CEP85L: variants seen among roughly 807,000 people sequenced by gnomAD.
CEP85L encodes centrosomal protein of 85 kDa-like.
Under a neutral mutation model 100.3 loss-of-function variants are expected in CEP85L, and 60 were observed. The ratio of observed to expected loss-of-function variants is 0.60; its 90% confidence interval spans 0.49 to 0.74. The LOEUF is 0.74. CEP85L is among the 30% of genes least tolerant of loss of function. The pLI, the probability that CEP85L is intolerant of heterozygous loss-of-function variation, is 0.00. For synonymous variants in CEP85L, 319 were observed against 322.7 expected (o/e 0.99, Z 0.12); for missense variants, 973 against 936.2 (o/e 1.04, Z -0.51).
At chr6:118,569,971 A>G (rs1779788341) in intron 2 of CEP85L, among the ~76,000 whole-genome samples, 1 of 152,206 alleles carries the variant, frequency 6.6e-6, no homozygotes, top group African/African-American at 2.4e-5. Flanking sequence ...ATGGGAACAC[A>G]AACTGTTATA....
intron 1 of CEP85L, among the ~76,000 whole-genome samples, chr6:118,677,308 T>A (rs1299214106): frequency 6.6e-6 from 1 of 152,178 alleles, no homozygotes; most frequent in African/African-American, 2.4e-5. Context: ...GAAGTCCTTA[T>A]CTACCAGAAC....
At chr6:118,476,174 T>C (rs1005562103) in intron 10 of CEP85L, among the ~76,000 whole-genome samples, 1 of 152,148 alleles carries the variant, frequency 6.6e-6, no homozygotes, top group Non-Finnish European at 1.5e-5. Flanking sequence ...ATCCACCTTT[T>C]ACACATTTTT....
At chr6:118,491,591 A>C in intron 6 of CEP85L, 95 bp downstream of exon 6, 1 of 1,503,174 alleles carries the variant, frequency 6.7e-7, no homozygotes. Flanking sequence ...TGTATACATA[A>C]CCTGGCATGA....
chr6:118,699,928 C>G (rs1358268256), intron 1 of CEP85L, among the ~76,000 whole-genome samples: 3 of 152,164 alleles, frequency 2.0e-5, no homozygotes, highest in South Asian at 4.1e-4. Context: ...CTCTTGACCT[C>G]AAGTGATCTG....
chr6:118,580,178 CTCTGTATGGGGGAGCCCCTTCCTTCTT>C (rs1218864982), intron 2 of CEP85L, among the ~76,000 whole-genome samples: 2 of 152,086 alleles, frequency 1.3e-5, no homozygotes, highest in Non-Finnish European at 2.9e-5. Flanking sequence ...CTCCCTCTGT[CTCTGTATGGGGGAGCCCCTTCCTTCTT>C]TCTTGCCGAT....
intron 2 of CEP85L, among the ~76,000 whole-genome samples, chr6:118,585,022 C>A (rs1780778167): frequency 6.6e-6 from 1 of 152,148 alleles, no homozygotes; most frequent in African/African-American, 2.4e-5. Flanking sequence ...GGAAACTCCC[C>A]TAGAGAACCC....
chr6:118,526,778 A>G (rs1224926703), intron 3 of CEP85L, among the ~76,000 whole-genome samples: 1 of 152,226 alleles, frequency 6.6e-6, no homozygotes, highest in African/African-American at 2.4e-5. Flanking sequence ...CACCAGTGCC[A>G]TAACATAGTT....
chr6:118,529,021 A>C (rs935632948), intron 3 of CEP85L, among the ~76,000 whole-genome samples: 2 of 152,188 alleles, frequency 1.3e-5, no homozygotes, highest in African/African-American at 2.4e-5. Flanking sequence ...AATAACACAG[A>C]ATCATTTTGC....
chr6:118,582,544 A>T (rs1057425864), intron 2 of CEP85L, among the ~76,000 whole-genome samples: 1 of 152,244 alleles, frequency 6.6e-6, no homozygotes, highest in African/African-American at 2.4e-5. Context: ...TAGGAAGGGA[A>T]GCAGTTCCAG....
chr6:118,466,416 G>A (rs192351111), intron 12 of CEP85L, among the ~76,000 whole-genome samples: 29 of 152,200 alleles, frequency 1.9e-4, no homozygotes, highest in East Asian at 9.6e-4. Context: ...GCTTGTTCTC[G>A]ATGCTTTACA....
rs577246383 is a variant in CEP85L, at chr6:118,682,741, C to T, written c.-28+27295G>A. Among the ~76,000 whole-genome samples, 4 of 148,368 alleles carry T rather than the reference C, an allele frequency of 2.7e-5. No individual in the cohort carries two copies. The South Asian group carries it at 6.4e-4, about 24-fold the overall frequency. On this transcript the variant is annotated intron_variant, in intron 1 of 13. Coordinates refer to the CEP85L transcript ENST00000368488. ...GGAAGAAAAAAAAAAAGCCCTTGCA[C>T]CCCTGAAATATGCATGCATGCCTGA... is the stretch of plus-strand genomic sequence containing the variant.
intron 1 of CEP85L, among the ~76,000 whole-genome samples, chr6:118,666,529 AG>A (rs1368304583): frequency 2.0e-5 from 3 of 152,166 alleles, no homozygotes; most frequent in Non-Finnish European, 2.9e-5. Context: ...TAAGAGCTTC[AG>A]GGGCATTAGC....
intron 2 of CEP85L, among the ~76,000 whole-genome samples, chr6:118,617,168 T>C (rs1773114205): frequency 6.6e-6 from 1 of 152,196 alleles, no homozygotes; most frequent in Non-Finnish European, 1.5e-5. Flanking sequence ...AACTCACTCA[T>C]TTCCTGCATC....
intron 2 of CEP85L, among the ~76,000 whole-genome samples, chr6:118,580,809 T>C (rs1284667813): frequency 6.6e-6 from 1 of 152,236 alleles, no homozygotes; most frequent in Non-Finnish European, 1.5e-5. Context: ...TGTGGTCTCT[T>C]ACTCTGTGTG....
At chr6:118,492,521 G>T (rs1276769367) in intron 5 of CEP85L, among the ~76,000 whole-genome samples, 1 of 152,086 alleles carries the variant, frequency 6.6e-6, no homozygotes, top group Non-Finnish European at 1.5e-5. Flanking sequence ...TTTTCAAGGG[G>T]AAGATATTCC....
intron 10 of CEP85L, among the ~76,000 whole-genome samples, chr6:118,474,725 G>A (rs1773221200): frequency 6.6e-6 from 1 of 152,158 alleles, no homozygotes; most frequent in Non-Finnish European, 1.5e-5. Flanking sequence ...GGAAAAGTAG[G>A]CCATAGAACT....
intron 5 of CEP85L, among the ~76,000 whole-genome samples, chr6:118,509,700 AATAACAAC>A (rs1384310869): frequency 6.6e-6 from 1 of 152,120 alleles, no homozygotes; most frequent in African/African-American, 2.4e-5. Context: ...AGAGAACAAC[AATAACAAC>A]ATCCACAAAT....
rs575799224 is a variant in CEP85L, at chr6:118,537,343, C to CA, written c.1021-13424dup. 5.0e-3 allele frequency among the ~76,000 whole-genome samples: 755 copies of CA among 152,214 alleles called. 3 individuals carry two copies. The highest frequency in any genetic ancestry group is 8.4e-3 in the Non-Finnish European group (574 of 67,976). On this transcript the variant is annotated intron_variant, in intron 3 of 12. Coordinates refer to ENST00000368491, the MANE Select transcript of CEP85L (RefSeq NM_001042475.3). The stretch of plus-strand genomic sequence containing the variant: ...AAAATGTGTAAAGGTGAAACAGAGA[C>CA]ATTTTTACAGGTAAACATTTTATAT...
intron 1 of CEP85L, among the ~76,000 whole-genome samples, chr6:118,642,075 T>C (rs887407913): frequency 3.3e-5 from 5 of 152,228 alleles, no homozygotes; most frequent in African/African-American, 1.2e-4. Flanking sequence ...AATGACACCC[T>C]GAATTACATG....
Sources: allele counts gnomAD v4.1 joint callset (sites outside exome capture counted in the v4.1 genomes callset), GRCh38; gene constraint gnomAD v4.1.1; transcripts MANE v1.5; gene names NCBI Gene and HGNC (gene_info 2026-07-23, HGNC 2026-07-21).